Variants in THSD4 observed in about 807,000 individuals in gnomAD.
The protein encoded by THSD4 is thrombospondin type-1 domain-containing protein 4.
Under a neutral mutation model 119.0 loss-of-function variants are expected in THSD4, and 69 were observed. The observed-to-expected ratio is 0.58, with a 90% CI of 0.48 to 0.71. The LOEUF (loss-of-function observed/expected upper bound fraction) is 0.71, where lower values mean the gene tolerates loss of function less well. Among genes scored for constraint, THSD4 ranks in the 30% least tolerant of loss-of-function variants. The pLI is 0.00. For missense variants in THSD4, 1,393 were observed against 1,391.1 expected, an observed-to-expected ratio of 1.00 and a Z score of -0.02; for synonymous variants, 524 against 540.4, an observed-to-expected ratio of 0.97 and a Z score of 0.42.
intron 7 of THSD4, among the ~76,000 whole-genome samples, chr15:71,479,320 A>G (rs2047694329): frequency 6.6e-6 from 1 of 150,788 alleles, no homozygotes; most frequent in South Asian, 2.1e-4. Flanking sequence ...GTTATTTGTC[A>G]TGTTCACAAC....
rs191463356 is a variant in THSD4, at chr15:71,120,914, C to T, written c.-80+5216C>T. On this transcript the variant is annotated intron_variant, in intron 1 of 17. Transcript: ENST00000261862. ...TGGTGGGGATGCAGCCATGTGACTA[C>T]AGGGGTGGGAGGATGACGAGCTTTG... 8.8e-4 allele frequency among the ~76,000 whole-genome samples: 134 copies of T among 152,280 alleles called. 1 individual carries two copies. The highest frequency in any genetic ancestry group is 3.1e-3 in the African/African-American group (129 of 41,548).
At chr15:71,642,371 C>T (rs1292791506) in intron 7 of THSD4, among the ~76,000 whole-genome samples, 1 of 152,056 alleles carries the variant, frequency 6.6e-6, no homozygotes, top group Non-Finnish European at 1.5e-5. Context: ...ACTAGTTCAA[C>T]CATTGTGGAA....
chr15:71,137,532 A>G (rs1042984271), intron 1 of THSD4, among the ~76,000 whole-genome samples: 1 of 152,116 alleles, frequency 6.6e-6, no homozygotes, highest in Non-Finnish European at 1.5e-5. Context: ...TTTTTCTCTT[A>G]TCTTTCATTC....
At chr15:71,341,362 G>A (rs777452958) in intron 6 of THSD4, 10 of 1,610,338 alleles carry the variant, frequency 6.2e-6, no homozygotes, top group South Asian at 1.1e-5. Context: ...TGTTCACTTG[G>A]ATATGCTCAA....
rs1045080907 is a variant in THSD4, at chr15:71,455,525, C to A, written c.1152+43702C>A. ...GTAGCCATCATTCCATGCTCCAGGG[C>A]AGCTTGTCTCTTGAGGTGGGTCCAT... On this transcript the variant is annotated intron_variant, in intron 7 of 17. Transcript: ENST00000261862. 2.0e-5 allele frequency among the ~76,000 whole-genome samples: 3 copies of A among 152,154 alleles called. No homozygotes were observed. In the South Asian group the frequency reaches 6.2e-4, roughly 32 times the overall value.
intron 1 of THSD4, among the ~76,000 whole-genome samples, chr15:71,135,848 C>A (rs879939012): frequency 6.6e-6 from 1 of 152,070 alleles, no homozygotes; most frequent in Non-Finnish European, 1.5e-5. Context: ...CCATGCTTGC[C>A]CCTTCTCCTC....
intron 8 of THSD4, among the ~76,000 whole-genome samples, chr15:71,667,411 G>T (rs1399395084): frequency 2.0e-5 from 3 of 152,104 alleles, no homozygotes; most frequent in African/African-American, 7.2e-5. Flanking sequence ...TAAGAAATCA[G>T]ACATAAAAGC....
intron 11 of THSD4, among the ~76,000 whole-genome samples, 162 bp from the exon 12 acceptor site, chr15:71,744,944 C>A (rs368349535): frequency 6.6e-6 from 1 of 152,144 alleles, no homozygotes; most frequent in Admixed American, 6.5e-5. Flanking sequence ...TGTGTGTAAA[C>A]CCTCAAATGA....
chr15:71,553,669 C>A (rs76142237), intron 7 of THSD4, among the ~76,000 whole-genome samples: 3 of 152,136 alleles, frequency 2.0e-5, no homozygotes, highest in Non-Finnish European at 2.9e-5. Flanking sequence ...AAGTATGATA[C>A]CTGTCACAGA....
At chr15:71,123,642 C>T (rs376941802) in intron 1 of THSD4, among the ~76,000 whole-genome samples, 39 of 152,156 alleles carry the variant, frequency 2.6e-4, no homozygotes, top group Admixed American at 6.5e-4. Flanking sequence ...ATAAACATGC[C>T]GTAGAGAGGC....
chr15:71,701,894 C>A (rs1366026295), intron 8 of THSD4, among the ~76,000 whole-genome samples: 1 of 152,092 alleles, frequency 6.6e-6, no homozygotes, highest in African/African-American at 2.4e-5. Flanking sequence ...AATGATCATG[C>A]ATTGCTTCTG....
At chr15:71,592,449 CTGTT>C (rs1004774925) in intron 7 of THSD4, among the ~76,000 whole-genome samples, 14 of 152,274 alleles carry the variant, frequency 9.2e-5, no homozygotes, top group Admixed American at 8.5e-4. Context: ...CTAGGAGAAG[CTGTT>C]TGCCCGGCAT....
intron 6 of THSD4, among the ~76,000 whole-genome samples, chr15:71,313,402 G>C (rs576658130): frequency 6.6e-6 from 1 of 152,152 alleles, no homozygotes; most frequent in Non-Finnish European, 1.5e-5. Context: ...TATCAAATCA[G>C]CCATTTCTTC....
At chr15:71,685,006 T>C (rs2051877276) in intron 8 of THSD4, among the ~76,000 whole-genome samples, 1 of 152,158 alleles carries the variant, frequency 6.6e-6, no homozygotes, top group Non-Finnish European at 1.5e-5. Context: ...AAATGTAGTA[T>C]AGAATTACAT....
At chr15:71,533,081 G>A (rs1029898804) in intron 7 of THSD4, among the ~76,000 whole-genome samples, 2 of 152,238 alleles carry the variant, frequency 1.3e-5, no homozygotes, top group East Asian at 1.9e-4. Context: ...CTGGGATCAG[G>A]TGCCTGCAGT....
chr15:71,244,162 CAAAG>C (rs2044179241), intron 5 of THSD4, among the ~76,000 whole-genome samples: 1 of 152,016 alleles, frequency 6.6e-6, no homozygotes, highest in Non-Finnish European at 1.5e-5. Flanking sequence ...TTTATAGTTG[CAAAG>C]AGAGGTAAAA....
intron 7 of THSD4, among the ~76,000 whole-genome samples, chr15:71,606,412 C>T (rs1464724069): frequency 3.9e-5 from 6 of 152,284 alleles, no homozygotes; most frequent in African/African-American, 1.2e-4. Flanking sequence ...TTCCTTGTCA[C>T]TTAGGCTTCT....
At chr15:71,734,629 T>C (rs2053045844) in intron 10 of THSD4, among the ~76,000 whole-genome samples, 1 of 152,098 alleles carries the variant, frequency 6.6e-6, no homozygotes, top group South Asian at 2.1e-4. Context: ...GTGTGAACCC[T>C]CGTATGGACT....
At chr15:71,171,670 T>G (rs2141404477) in intron 3 of THSD4, among the ~76,000 whole-genome samples, 1 of 152,328 alleles carries the variant, frequency 6.6e-6, no homozygotes, top group East Asian at 1.9e-4. Context: ...TAAATACAAA[T>G]AATAATCATC....
Sources: allele counts gnomAD v4.1 joint callset (sites outside exome capture counted in the v4.1 genomes callset), GRCh38; gene constraint gnomAD v4.1.1; transcripts MANE v1.5; gene names NCBI Gene and HGNC (gene_info 2026-07-23, HGNC 2026-07-21).